Variants in UEVLD observed in about 807,000 individuals in gnomAD.
The protein encoded by UEVLD is ubiquitin-conjugating enzyme E2 variant 3.
A neutral mutation model predicts 58.6 loss-of-function variants in UEVLD; 47 were observed. The ratio of observed to expected loss-of-function variants is 0.80; its 90% CI spans 0.63 to 1.02. UEVLD has a LOEUF of 1.02. Ranked by LOEUF, UEVLD falls within the 50% of genes least tolerant of loss-of-function variation. UEVLD has a pLI of 0.00. For synonymous variants in UEVLD, 197 were observed against 195.3 expected (o/e 1.01, Z -0.07); for missense variants, 510 against 550.6 (o/e 0.93, Z 0.74).
At chr11:18,552,280 C>CA (rs1228118893) in intron 7 of UEVLD, among the ~76,000 whole-genome samples, 1 of 152,248 alleles carries the variant, frequency 6.6e-6, no homozygotes, top group Non-Finnish European at 1.5e-5. Flanking sequence ...TGCAGTGGCT[C>CA]ACGCCTATAA....
rs780729982 is a variant in UEVLD, at chr11:18,534,366, A to G, written c.1212T>C (p.Asn404=). The G allele has an allele frequency of 1.9e-6, 3 of 1,563,056 alleles. No homozygotes were observed. Among genetic ancestry groups the G allele is most frequent in the Non-Finnish European group, 2.6e-6 (3 of 1,162,832 alleles). Residue 404 remains asparagine, a synonymous_variant, in exon 11 of 12, where the codon AAT becomes AAC. Coordinates refer to ENST00000396197, the MANE Select transcript of UEVLD (RefSeq NM_001040697.4). The part of the protein sequence containing the change: ...VADMVDSIVN[N]KKKVHSVSAL... ...CTGATACAGAATGCACTTTCTTCTT[A>G]TTGTTTACAATACTGTCAACCATGT...
intron 9 of UEVLD, among the ~76,000 whole-genome samples, chr11:18,539,608 T>C (rs867298427): frequency 1.2e-4 from 19 of 152,218 alleles, no homozygotes; most frequent in Non-Finnish European, 2.5e-4. Flanking sequence ...TGTTACATTA[T>C]TTGTATGAAC....
At chr11:18,569,969 A>G in intron 4 of UEVLD, 1 of 279,150 alleles carries the variant, frequency 3.6e-6, no homozygotes. Context: ...AAACGACTAT[A>G]AAAAGACAGG....
chr11:18,570,405 C>T, intron 3 of UEVLD, 28 bp from the exon 4 acceptor site: 2 of 1,494,816 alleles, frequency 1.3e-6, no homozygotes, highest in Non-Finnish European at 1.8e-6. Flanking sequence ...AACATATCTT[C>T]AAACAATAAT....
chr11:18,546,808 T>C (rs965273654), intron 8 of UEVLD, 72 bp downstream of exon 8: 29 of 1,559,290 alleles, frequency 1.9e-5, no homozygotes, highest in South Asian at 2.3e-5. Flanking sequence ...TAAAGTTTTA[T>C]GGTTTTTATC....
intron 6 of UEVLD, among the ~76,000 whole-genome samples, chr11:18,560,682 C>T (rs896222381): frequency 2.6e-5 from 4 of 152,002 alleles, no homozygotes; most frequent in Non-Finnish European, 4.4e-5. Context: ...GTAATCAATC[C>T]GTGAAGCATA....
chr11:18,567,910 TGAG>T (rs1400970863), intron 4 of UEVLD, among the ~76,000 whole-genome samples: 1 of 152,156 alleles, frequency 6.6e-6, no homozygotes. Flanking sequence ...TTTGGGAGGC[TGAG>T]GTGGGAGGAT....
rs1368192705 is a variant in UEVLD, at chr11:18,534,590, ATAATC to A, written c.1125-142_1125-138del. On this transcript the variant is annotated intron_variant, in intron 10 of 11. Coordinates refer to ENST00000396197, the MANE Select transcript of UEVLD (RefSeq NM_001040697.4). ...CAGCAATTGTTAGGGAAGCCTATAG[ATAATC>A]TAATCTAATGTTTATTTAAACTTTT... 1.4e-5 allele frequency: 12 copies of A among 874,854 alleles called. No homozygotes were observed. The East Asian group carries it at 1.6e-4, about 12-fold the overall frequency. The allele number at this position is 874,854 out of a possible 1,614,324, so 54.2% of individuals were successfully genotyped here.
intron 9 of UEVLD, among the ~76,000 whole-genome samples, chr11:18,537,324 A>ATATATATAT (rs1160942409): frequency 7.6e-6 from 1 of 131,572 alleles, no homozygotes; most frequent in East Asian, 2.2e-4. Context: ...ATATATATAT[A>ATATATATAT]TTTTTTTTTT....
chr11:18,578,619 A>G, intron 2 of UEVLD, 105 bp downstream of exon 2: 2 of 770,066 alleles, frequency 2.6e-6, no homozygotes, highest in Non-Finnish European at 4.4e-6. Context: ...GCTGAAAATC[A>G]GAGGATAAAA....
intron 1 of UEVLD, 49 bp downstream of exon 1, chr11:18,588,564 C>T (rs763999102): frequency 1.3e-6 from 2 of 1,598,740 alleles, no homozygotes; most frequent in Admixed American, 1.7e-5. Context: ...GCAGAGGCAC[C>T]CCCCGCAAGA....
chr11:18,564,003 T>TAAAAAA, intron 6 of UEVLD: 6 of 155,732 alleles, frequency 3.9e-5, no homozygotes, highest in Admixed American at 7.3e-5. Context: ...AGACTCCACC[T>TAAAAAA]AAAAAAAAAA....
At chr11:18,544,452 C>T (rs1001576008) in intron 9 of UEVLD, among the ~76,000 whole-genome samples, 171 bp downstream of exon 9, 3 of 151,756 alleles carry the variant, frequency 2.0e-5, no homozygotes, top group Admixed American at 1.3e-4. Context: ...GGACTACAGG[C>T]ATGCACTACC....
chr11:18,563,373 T>A (rs1357637084), intron 6 of UEVLD, among the ~76,000 whole-genome samples: 5 of 152,048 alleles, frequency 3.3e-5, no homozygotes, highest in African/African-American at 1.2e-4. Context: ...GGAAGATTGC[T>A]TGAGCCCAGG....
chr11:18,561,671 G>A (rs1052474519), intron 6 of UEVLD, among the ~76,000 whole-genome samples: 12 of 151,810 alleles, frequency 7.9e-5, no homozygotes, highest in African/African-American at 2.2e-4. Context: ...GTGAAACCCC[G>A]TCTCTACTAA....
At chr11:18,534,945 G>A (rs1850727549) in intron 10 of UEVLD, among the ~76,000 whole-genome samples, 1 of 152,168 alleles carries the variant, frequency 6.6e-6, no homozygotes, top group Non-Finnish European at 1.5e-5. Context: ...AAGCATGTCT[G>A]CAATATTTGG....
chr11:18,586,293 T>C (rs12290527), intron 1 of UEVLD, among the ~76,000 whole-genome samples: 28,170 of 151,970 alleles, frequency 0.19, 2,997 homozygotes, highest in East Asian at 0.41. Flanking sequence ...TGGGCCACTG[T>C]AACCTCCACC....
intron 7 of UEVLD, among the ~76,000 whole-genome samples, chr11:18,552,725 G>C (rs1371525612): frequency 1.3e-5 from 2 of 151,432 alleles, no homozygotes; most frequent in East Asian, 3.9e-4. Context: ...GCCAGGTGTG[G>C]TGGCACACAA....
At chr11:18,586,339 C>T (rs781036479) in intron 1 of UEVLD, among the ~76,000 whole-genome samples, 6 of 152,074 alleles carry the variant, frequency 3.9e-5, no homozygotes, top group Non-Finnish European at 8.8e-5. Context: ...TTCAGCCTCC[C>T]GAGTAGATGG....
Sources: gnomAD v4.1 joint callset for allele counts (sites outside exome capture counted in the v4.1 genomes callset) on GRCh38, gnomAD v4.1.1 for gene constraint, MANE v1.5 for transcripts, NCBI Gene and HGNC (gene_info 2026-07-23, HGNC 2026-07-21) for gene names.